SERINC3: variants seen among roughly 807,000 people sequenced by gnomAD.
The protein encoded by SERINC3 is serine incorporator 3, also known as tumor differentially expressed protein 1.
In SERINC3, 22 loss-of-function variants were observed where a neutral mutation model predicts 52.1. The ratio of observed to expected loss-of-function variants is 0.42; its 90% CI spans 0.30 to 0.60. The LOEUF is 0.60. Among genes scored for constraint, SERINC3 ranks in the 20% least tolerant of loss-of-function variants. SERINC3 has a pLI of 0.16. For missense variants in SERINC3, 564 were observed against 584.6 expected, an observed-to-expected ratio of 0.96 and a Z score of 0.36; for synonymous variants, 226 against 212.7, an observed-to-expected ratio of 1.06 and a Z score of -0.54.
chr20:44,521,865 T>A, intron 1 of SERINC3, 48 bp downstream of exon 1: 1 of 1,575,832 alleles, frequency 6.3e-7, no homozygotes, highest in South Asian at 1.2e-5. Flanking sequence ...CTCGAGGCCT[T>A]TCCCCGCAAA....
chr20:44,496,999 A>C (rs1231384192), downstream of SERINC3, among the ~76,000 whole-genome samples: 4 of 152,364 alleles, frequency 2.6e-5, no homozygotes, highest in East Asian at 7.7e-4. Flanking sequence ...AAAGGAGTCC[A>C]GCATGGACCT....
chr20:44,504,048 G>A (rs868711095), intron 7 of SERINC3, 53 bp from the exon 8 acceptor site: 10 of 1,466,926 alleles, frequency 6.8e-6, no homozygotes, highest in African/African-American at 2.9e-5. Context: ...CTTGTTCCAA[G>A]AAAGAACTTG....
At chr20:44,512,616 C>T (rs1170233872) in intron 3 of SERINC3, among the ~76,000 whole-genome samples, 185 bp downstream of exon 3, 1 of 152,164 alleles carries the variant, frequency 6.6e-6, no homozygotes, top group African/African-American at 2.4e-5. Context: ...CCCCTATCCC[C>T]TCCATGTTAC....
chr20:44,518,181 G>C (rs1409349490), intron 1 of SERINC3, among the ~76,000 whole-genome samples: 2 of 151,984 alleles, frequency 1.3e-5, no homozygotes, highest in African/African-American at 4.8e-5. Flanking sequence ...CTCTGAGTTG[G>C]CCGGCACAGT....
intron 5 of SERINC3, 37 bp from the exon 6 acceptor site, chr20:44,507,033 A>AT: frequency 6.9e-7 from 1 of 1,444,046 alleles, no homozygotes; most frequent in Non-Finnish European, 9.2e-7. Flanking sequence ...GACCACAACT[A>AT]TAATAAACTA....
intron 4 of SERINC3, among the ~76,000 whole-genome samples, chr20:44,510,580 G>A (rs1229646936): frequency 2.0e-5 from 3 of 152,190 alleles, no homozygotes; most frequent in South Asian, 2.1e-4. Context: ...TCAGGAGGCT[G>A]AGGCAGGTGG....
chr20:44,512,325 CAAAA>C (rs920134707), intron 3 of SERINC3, among the ~76,000 whole-genome samples: 13 of 49,348 alleles, frequency 2.6e-4, no homozygotes, highest in South Asian at 1.7e-3. Context: ...AAAAACAAAA[CAAAA>C]AAAAAAAAAA....
intron 1 of SERINC3, among the ~76,000 whole-genome samples, chr20:44,520,874 T>C (rs1262379043): frequency 2.0e-5 from 3 of 152,182 alleles, no homozygotes; most frequent in African/African-American, 4.8e-5. Context: ...GGAACTTTGA[T>C]TTATAGGTGG....
chr20:44,520,682 A>G (rs1341414524), intron 1 of SERINC3, among the ~76,000 whole-genome samples: 1 of 152,228 alleles, frequency 6.6e-6, no homozygotes, highest in Non-Finnish European at 1.5e-5. Context: ...CAACGGAATC[A>G]TTAGAAACCC....
chr20:44,514,280 G>A (rs1656076014), intron 1 of SERINC3, among the ~76,000 whole-genome samples: 1 of 152,078 alleles, frequency 6.6e-6, no homozygotes, highest in Admixed American at 6.6e-5. Context: ...GCTCAATAAT[G>A]GAATTTTCCT....
At chr20:44,507,818 G>A (rs1265791902) in intron 5 of SERINC3, among the ~76,000 whole-genome samples, 3 of 152,126 alleles carry the variant, frequency 2.0e-5, no homozygotes, top group Admixed American at 6.5e-5. Flanking sequence ...GCAGTGAGCC[G>A]AGATGGTGCC....
chr20:44,520,368 A>C (rs1414556765), intron 1 of SERINC3, among the ~76,000 whole-genome samples: 1 of 152,164 alleles, frequency 6.6e-6, no homozygotes, highest in Admixed American at 6.6e-5. Flanking sequence ...TTCCCTCTAC[A>C]CCTTGTCTTA....
chr20:44,516,427 CTG>C (rs1191958794), intron 1 of SERINC3, among the ~76,000 whole-genome samples: 1 of 151,950 alleles, frequency 6.6e-6, no homozygotes, highest in African/African-American at 2.4e-5. Context: ...GGTTCTCACT[CTG>C]TCTCCCAGGC....
Position 44,511,308 on chromosome 20 carries a change from A to C in SERINC3, c.456T>G (p.Pro152=). ...CCCTACCTGAGCTGAAATAGCCCCCAGGGATGTAGAAAGAGCCAACCATGA... is the reference window on the plus strand; with the variant it reads ...CCCTACCTGAGCTGAAATAGCCCCCCGGGATGTAGAAAGAGCCAACCATGA... ...IGIMVGSFYI[P]GGYFSSVWFV... is the part of the protein sequence containing the mutation. Residue 152 remains proline (P), a synonymous_variant, in exon 4 of 10, where the codon CCT becomes CCG. Transcript: ENST00000342374. 1 of 1,611,798 alleles carries C rather than the reference A, an allele frequency of 6.2e-7. No individual in the cohort carries two copies. Among genetic ancestry groups the C allele is most frequent in the Non-Finnish European group, 8.5e-7 (1 of 1,177,848 alleles).
rs1414232978 is a variant in SERINC3, at chr20:44,505,003, ATTC to A, written c.784-115_784-113del. 4 of 715,386 alleles carry A rather than the reference ATTC, an allele frequency of 5.6e-6. No individual in the cohort carries two copies. In the African/African-American group the frequency reaches 7.0e-5, roughly 12 times the overall value. The allele number at this position is 715,386 out of a possible 1,614,324, so 44.3% of individuals were successfully genotyped here. A position where few individuals can be genotyped will look rare whatever the true frequency, so the allele number is the denominator to read the frequency against. ...ACTATCAGTAACTGAGAACTTTCGG[ATTC>A]TTCTTGAGAGTTGAAAGGTGACAAG... On this transcript the variant is annotated intron_variant, in intron 6 of 9. Coordinates refer to ENST00000342374, the MANE Select transcript of SERINC3 (RefSeq NM_006811.4).
In SERINC3 at chr20:44,512,369, A is replaced by T. The variant is rs536278853; in HGVS notation, c.395+432T>A. The stretch of plus-strand genomic sequence containing the variant: ...AGGAGAGAATTAGAAACATAGGTAA[A>T]AGGTGGTCAGGAGTCAGAAGCAATA... On this transcript the variant is annotated intron_variant, in intron 3 of 9. Coordinates refer to ENST00000342374, the MANE Select transcript of SERINC3 (RefSeq NM_006811.4). Among the ~76,000 whole-genome samples the T allele has an allele frequency of 3.3e-5, 5 of 152,224 alleles. 1 individual carries two copies. The South Asian group carries it at 1.0e-3, about 32-fold the overall frequency.
At chr20:44,507,677 C>T (rs2064323180) in intron 5 of SERINC3, among the ~76,000 whole-genome samples, 1 of 152,104 alleles carries the variant, frequency 6.6e-6, no homozygotes, top group South Asian at 2.1e-4. Context: ...CAGACCAGCC[C>T]AGGCAACATG....
At chr20:44,515,325 G>A (rs1372728239) in intron 1 of SERINC3, among the ~76,000 whole-genome samples, 1 of 152,196 alleles carries the variant, frequency 6.6e-6, no homozygotes, top group African/African-American at 2.4e-5. Context: ...CTGCACTCCA[G>A]CCTGGGCAAC....
Position 44,498,800 on chromosome 20 carries a change from G to C in SERINC3, c.*1496C>G, listed in dbSNP as rs1410497530. ...TGTTTTCAGCCACCCTCAACATAAG[G>C]TCCAAACTCTTTACTGAGGTTGATA... is the stretch of plus-strand genomic sequence containing the variant. On this transcript the variant is annotated 3_prime_UTR_variant, in exon 10 of 10. Coordinates refer to ENST00000342374, the MANE Select transcript of SERINC3 (RefSeq NM_006811.4). The C allele has an allele frequency of 6.6e-6, 1 of 152,000 alleles. No homozygotes were observed. The highest frequency in any genetic ancestry group is 1.5e-5 in the Non-Finnish European group (1 of 68,012). 9.4% of individuals were successfully genotyped at this position (152,000 alleles called of 1,614,324 possible). A position where few individuals can be genotyped will look rare whatever the true frequency, so the allele number is the denominator to read the frequency against.
Sources: gnomAD v4.1 joint callset for allele counts (sites outside exome capture counted in the v4.1 genomes callset) on GRCh38, gnomAD v4.1.1 for gene constraint, MANE v1.5 for transcripts, NCBI Gene and HGNC (gene_info 2026-07-23, HGNC 2026-07-21) for gene names.